Variants in ABCB1 observed in about 807,000 individuals in gnomAD.
ABCB1 encodes the protein ATP binding cassette subfamily B member 1.
A neutral mutation model predicts 142.0 loss-of-function variants in ABCB1; 69 were observed. That is an observed-to-expected ratio of 0.49 (90% CI 0.40 to 0.59). The LOEUF (loss-of-function observed/expected upper bound fraction) is 0.59. ABCB1 is among the 20% of genes least tolerant of loss of function. ABCB1 has a pLI of 0.00. For missense variants in ABCB1, 1,326 were observed against 1,554.7 expected (o/e 0.85, Z 2.47); for synonymous variants, 532 against 539.2 (o/e 0.99, Z 0.18).
intron 1 of ABCB1, among the ~76,000 whole-genome samples, chr7:87,649,855 GT>G (rs1411306553): frequency 6.6e-6 from 1 of 152,118 alleles, no homozygotes; most frequent in Non-Finnish European, 1.5e-5. Flanking sequence ...AGATTTGATA[GT>G]TTTATAAAGG....
At chr7:87,627,971 G>C (rs1358113977) in intron 1 of ABCB1, 1 of 152,298 alleles carries the variant, frequency 6.6e-6, no homozygotes, top group East Asian at 1.9e-4. Flanking sequence ...TTAGCCCCTG[G>C]GAGGGCGTCA....
intron 3 of ABCB1, among the ~76,000 whole-genome samples, chr7:87,587,731 C>G (rs145731727): frequency 1.3e-5 from 2 of 151,792 alleles, no homozygotes; most frequent in Non-Finnish European, 2.9e-5. Flanking sequence ...AGAAATTAGC[C>G]GGATGTGGTG....
chr7:87,605,426 G>A (rs543939746), upstream of ABCB1, among the ~76,000 whole-genome samples: 4 of 152,256 alleles, frequency 2.6e-5, no homozygotes, highest in South Asian at 6.2e-4. Context: ...GAGCCACCAC[G>A]CCCAGCCTCC....
intron 21 of ABCB1, among the ~76,000 whole-genome samples, chr7:87,524,797 T>C (rs1460892378): frequency 6.6e-6 from 1 of 152,052 alleles, no homozygotes; most frequent in Non-Finnish European, 1.5e-5. Flanking sequence ...GAAATATTTC[T>C]AATTATCAGA....
chr7:87,606,811 G>T (rs1314200462), intron 1 of ABCB1, among the ~76,000 whole-genome samples: 1 of 152,002 alleles, frequency 6.6e-6, no homozygotes, highest in African/African-American at 2.4e-5. Context: ...TATATTAAAA[G>T]TGTATTATTT....
rs540512739 is a variant in ABCB1 at position 87,554,715 on chromosome 7, A to T, written c.828-783T>A. On this transcript the variant is annotated intron_variant, in intron 8 of 27. Coordinates refer to ENST00000622132, the MANE Select transcript of ABCB1 (RefSeq NM_001348946.2). ...GTCATGCCATAGCTGCCAGCTGCTG[A>T]ACTAACAGGATCTGACCTGGTGGCT... is the stretch of plus-strand genomic sequence containing the variant. 5.3e-5 allele frequency among the ~76,000 whole-genome samples: 8 copies of T among 152,272 alleles called. No homozygotes were observed. The South Asian group carries it at 1.7e-3, about 32-fold the overall frequency.
At position 87,531,423 on chromosome 7, in the gene ABCB1, G is replaced by C. The variant is rs747022752; in HGVS notation, c.2556C>G (p.Ile852Met). The C allele has an allele frequency of 6.2e-7, 1 of 1,613,358 alleles. No individual in the cohort carries two copies. The highest frequency in any genetic ancestry group is 8.5e-7 in the Non-Finnish European group (1 of 1,179,700). ...GTAACAGTGTTAGTTGCCAACCATA[G>C]ATGAAGGATATAATTATTCCTGTCC... is the stretch of plus-strand genomic sequence containing the variant. ...NLGTGIIISF[I>M]YGWQLTLLLL... The change falls in exon 21 of 28, where the codon ATC becomes ATG. Residue 852 changes from isoleucine to methionine, a missense_variant. By Grantham distance (10) the Ile-to-Met change is conservative. Coordinates refer to ENST00000622132, the MANE Select transcript of ABCB1 (RefSeq NM_001348946.2).
At chr7:87,644,294 GGT>G (rs1822761323) in intron 1 of ABCB1, among the ~76,000 whole-genome samples, 1 of 152,178 alleles carries the variant, frequency 6.6e-6, no homozygotes, top group Non-Finnish European at 1.5e-5. Context: ...TATTATGTTT[GGT>G]GTGGATTGTG....
At chr7:87,588,300 G>A (rs752897329) in intron 3 of ABCB1, among the ~76,000 whole-genome samples, 24 of 151,942 alleles carry the variant, frequency 1.6e-4, no homozygotes, top group South Asian at 8.3e-4. Flanking sequence ...CCTAGTACTC[G>A]TTAGTTATTT....
At chr7:87,577,741 T>C (rs1401403297) in intron 4 of ABCB1, among the ~76,000 whole-genome samples, 1 of 152,238 alleles carries the variant, frequency 6.6e-6, no homozygotes, top group Non-Finnish European at 1.5e-5. Context: ...GAAATGTCTA[T>C]TCAGATCTTT....
intron 1 of ABCB1, among the ~76,000 whole-genome samples, chr7:87,659,935 C>T (rs926820103): frequency 6.6e-6 from 1 of 152,038 alleles, no homozygotes; most frequent in African/African-American, 2.4e-5. Context: ...TGTTAAATCA[C>T]CTAAATATTC....
chr7:87,545,633 C>T (rs1040738556), intron 15 of ABCB1, among the ~76,000 whole-genome samples: 6 of 152,270 alleles, frequency 3.9e-5, no homozygotes, highest in South Asian at 2.1e-4. Context: ...ACTACTATAA[C>T]GGATAACTCA....
chr7:87,675,508 T>G (rs529447618), intron 1 of ABCB1, among the ~76,000 whole-genome samples: 7 of 151,938 alleles, frequency 4.6e-5, no homozygotes, highest in Non-Finnish European at 7.4e-5. Flanking sequence ...AACAGATACA[T>G]AGACCAATGG....
At chr7:87,695,114 G>C (rs1828387586) in intron 1 of ABCB1, among the ~76,000 whole-genome samples, 1 of 152,046 alleles carries the variant, frequency 6.6e-6, no homozygotes, top group Non-Finnish European at 1.5e-5. Context: ...ATCTAATGTA[G>C]ATTCTGACTT....
chr7:87,539,350 GGGC>G lies in ABCB1; in HGVS notation c.2320-8_2320-6del, dbSNP rs1317210928. 6.2e-7 allele frequency: 1 copy of G among 1,613,954 alleles called. No individual in the cohort carries two copies. On this transcript the variant is annotated splice_region_variant and splice_polypyrimidine_tract_variant and intron_variant, in intron 18 of 27. Transcript: ENST00000622132. Reference sequence around the variant, plus strand: ...AGCTTTGCCAAATGTGAAACCCTGTGGGCAGGAACATACCTTGTCAGGGACCCA... The same window carrying G: ...AGCTTTGCCAAATGTGAAACCCTGTGAGGAACATACCTTGTCAGGGACCCA...
chr7:87,540,842 T>G (rs1428174172), intron 18 of ABCB1, among the ~76,000 whole-genome samples: 1 of 152,230 alleles, frequency 6.6e-6, no homozygotes, highest in Non-Finnish European at 1.5e-5. Context: ...TTACAAATGT[T>G]TCCTACATTT....
intron 1 of ABCB1, among the ~76,000 whole-genome samples, chr7:87,704,338 A>C (rs1829407100): frequency 6.6e-6 from 1 of 152,250 alleles, no homozygotes; most frequent in Non-Finnish European, 1.5e-5. Context: ...ATCTATAAAA[A>C]GTATTCTAGA....
At chr7:87,626,298 C>CGT (rs1820516564) in intron 1 of ABCB1, among the ~76,000 whole-genome samples, 3 of 42,278 alleles carry the variant, frequency 7.1e-5, no homozygotes, top group Non-Finnish European at 7.7e-5. Flanking sequence ...ATATATGTGT[C>CGT]ATATATATGT....
At chr7:87,671,842 A>G (rs575522812) in intron 1 of ABCB1, among the ~76,000 whole-genome samples, 17 of 152,296 alleles carry the variant, frequency 1.1e-4, no homozygotes, top group Admixed American at 9.1e-4. Flanking sequence ...GCAAACAGCA[A>G]AGATGGTGCC....
Sources: gnomAD v4.1 joint callset for allele counts (sites outside exome capture counted in the v4.1 genomes callset) on GRCh38, gnomAD v4.1.1 for gene constraint, MANE v1.5 for transcripts, NCBI Gene and HGNC (gene_info 2026-07-23, HGNC 2026-07-21) for gene names.